Variants in CEMIP2 observed in about 807,000 individuals in gnomAD.
CEMIP2 encodes the protein cell surface hyaluronidase CEMIP2.
In CEMIP2, 79 loss-of-function variants were observed where a neutral mutation model predicts 146.9. The observed-to-expected ratio is 0.54, with a 90% CI of 0.45 to 0.65. The LOEUF (loss-of-function observed/expected upper bound fraction) is 0.65. Ranked by LOEUF, CEMIP2 falls within the 30% of genes least tolerant of loss-of-function variation. The pLI is 0.00. For missense variants in CEMIP2, 1,596 were observed against 1,696.2 expected (o/e 0.94, Z 1.04); for synonymous variants, 601 against 606.3 (o/e 0.99, Z 0.13).
At position 71,732,686 on chromosome 9, in the gene CEMIP2, A is replaced by ATTTTTTTT. The variant is rs59985618; in HGVS notation, c.1394-174_1394-167dup. Reference sequence around the variant, plus strand: ...GAATCAGAATCCCAGGACACGGGGAATTTTTTTTTTTTTTTTTTTTTTTTT... The same window carrying ATTTTTTTT: ...GAATCAGAATCCCAGGACACGGGGAATTTTTTTTTTTTTTTTTTTTTTTTTTTTTTTTT... On this transcript the variant is annotated intron_variant, in intron 6 of 23. Coordinates refer to ENST00000377044, the MANE Select transcript of CEMIP2 (RefSeq NM_013390.3). Among the ~76,000 whole-genome samples, 66 of 75,876 alleles carry ATTTTTTTT rather than the reference A, an allele frequency of 8.7e-4. 3 individuals carry two copies. Among genetic ancestry groups the ATTTTTTTT allele is most frequent in the Admixed American group, 1.3e-3 (6 of 4,706 alleles). The allele number at this position is 75,876 out of a possible 152,430, so 49.8% of individuals were successfully genotyped here.
At chr9:71,728,293 A>ATATG (rs1823498825) in intron 10 of CEMIP2, among the ~76,000 whole-genome samples, 2 of 39,574 alleles carry the variant, frequency 5.1e-5, no homozygotes, top group African/African-American at 1.9e-4. Context: ...ATATATATAT[A>ATATG]TATATATACA....
rs1044515593 is a variant in CEMIP2 at position 71,732,505 on chromosome 9, A to G, written c.1409T>C (p.Leu470Pro). Residue 470 changes from leucine to proline, a missense_variant, in exon 7 of 24, where the codon CTG (leucine) becomes CCG (proline). Transcript: ENST00000377044. Reference protein sequence around the residue: ...QVKVKETPQFLHMGEIIDGVD... With the variant: ...QVKVKETPQFPHMGEIIDGVD... ...ACCGTCTATGATCTCACCCATGTGC[A>G]GGAACTGAGGGGTTTCTGGTTGATA... is the stretch of plus-strand genomic sequence containing the variant. The G allele has an allele frequency of 1.9e-6, 3 of 1,599,560 alleles. No homozygotes were observed. Among genetic ancestry groups the G allele is most frequent in the Admixed American group, 1.8e-5 (1 of 55,634 alleles).
In CEMIP2 at chr9:71,734,821, G is replaced by T. The variant is rs1251840256; in HGVS notation, c.1378C>A (p.Gln460Lys). The T allele has an allele frequency of 3.7e-6, 6 of 1,608,224 alleles. No homozygotes were observed. Among genetic ancestry groups the T allele is most frequent in the Non-Finnish European group, 4.2e-6 (5 of 1,176,710 alleles). The change falls in exon 6 of 24, where the codon CAG becomes AAG. Residue 460 changes from glutamine (Q) to lysine (K), a missense_variant. Physicochemically the swap from Gln to Lys is moderately conservative, Grantham distance 53 (BLOSUM62 1). Coordinates refer to ENST00000377044, the MANE Select transcript of CEMIP2 (RefSeq NM_013390.3). ...AGTTTAATACCTTTGACTTTGACCT[G>T]AAAATGGCTGCATTCAGAACAGGGA... ...LLPCSECSHFQVKVKETPQFL... is the reference protein window; with the variant it reads ...LLPCSECSHFKVKVKETPQFL...
At chr9:71,715,421 T>G (rs1456535819) in intron 14 of CEMIP2, among the ~76,000 whole-genome samples, 1 of 151,056 alleles carries the variant, frequency 6.6e-6, no homozygotes, top group African/African-American at 2.4e-5. Flanking sequence ...TTTTTTAAAA[T>G]TTTTGTGGAG....
intron 1 of CEMIP2, among the ~76,000 whole-genome samples, chr9:71,756,535 A>AAC (rs1824465527): frequency 8.1e-6 from 1 of 122,854 alleles, no homozygotes; most frequent in Non-Finnish European, 1.7e-5. Context: ...CACACACACA[A>AAC]ACACACACAC....
At chr9:71,765,199 A>G (rs1209742888) in intron 1 of CEMIP2, among the ~76,000 whole-genome samples, 1 of 152,220 alleles carries the variant, frequency 6.6e-6, no homozygotes, top group Non-Finnish European at 1.5e-5. Flanking sequence ...ACTTGCTCTC[A>G]AGATGGGATT....
intron 20 of CEMIP2, among the ~76,000 whole-genome samples, chr9:71,695,132 C>A (rs755434044): frequency 3.9e-5 from 6 of 152,154 alleles, no homozygotes; most frequent in Admixed American, 6.5e-5. Context: ...TGTGCTGTTA[C>A]ACTCAGGCAG....
chr9:71,732,268 T>A lies in CEMIP2; in HGVS notation c.1563+83A>T, dbSNP rs1401283245. On this transcript the variant is annotated intron_variant, in intron 7 of 23. Transcript: ENST00000377044. ...GATTTGCTTTTAATATCCATTTATA[T>A]CTTGTTCCAAAACTTGACAGTTTCT... 7.4e-5 allele frequency: 103 copies of A among 1,394,130 alleles called. No homozygotes were observed. In the East Asian group the frequency reaches 2.1e-3, roughly 28 times the overall value. The allele number at this position is 1,394,130 out of a possible 1,614,324, so 86.4% of individuals were successfully genotyped here. A position where few individuals can be genotyped will look rare whatever the true frequency, so the allele number is the denominator to read the frequency against.
intron 4 of CEMIP2, among the ~76,000 whole-genome samples, chr9:71,742,515 G>C (rs141401271): frequency 6.0e-4 from 91 of 152,252 alleles, no homozygotes; most frequent in African/African-American, 2.0e-3. Context: ...TGGAGATAAC[G>C]TCAATGCAAT....
chr9:71,762,483 C>G (rs896301810), intron 1 of CEMIP2, among the ~76,000 whole-genome samples: 6 of 123,592 alleles, frequency 4.9e-5, no homozygotes, highest in Admixed American at 1.0e-4. Context: ...CCTAACAAGA[C>G]CCCATGCCAG....
At chr9:71,767,489 T>C (rs1052509647) in intron 1 of CEMIP2, among the ~76,000 whole-genome samples, 3 of 152,200 alleles carry the variant, frequency 2.0e-5, no homozygotes, top group Non-Finnish European at 4.4e-5. Context: ...AAAGGAGATA[T>C]ATATCAAAGT....
intron 21 of CEMIP2, among the ~76,000 whole-genome samples, chr9:71,690,606 T>A (rs1822201423): frequency 6.6e-6 from 1 of 152,240 alleles, no homozygotes; most frequent in Non-Finnish European, 1.5e-5. Flanking sequence ...GATAGATGGC[T>A]GCCTCTGTAC....
Position 71,730,254 on chromosome 9 carries a change from C to T in CEMIP2, c.1774-1G>A. 1 of 1,613,006 alleles carries T rather than the reference C, an allele frequency of 6.2e-7. No individual in the cohort carries two copies. The highest frequency in any genetic ancestry group is 8.5e-7 in the Non-Finnish European group (1 of 1,179,206). ...TGTCAAACCCAATGGTGTCTTTTAT[C>T]TGCAGAAATAAAAGTATATTAATGT... is the stretch of plus-strand genomic sequence containing the variant. On this transcript the variant is annotated splice_acceptor_variant, in intron 8 of 23. Transcript: ENST00000377044. LOFTEE classifies it high-confidence loss of function.
intron 15 of CEMIP2, among the ~76,000 whole-genome samples, chr9:71,713,137 C>T (rs1822955331): frequency 1.3e-5 from 2 of 152,132 alleles, no homozygotes; most frequent in African/African-American, 4.8e-5. Context: ...GCTCTGTGTC[C>T]CCACCCAAAT....
intron 16 of CEMIP2, among the ~76,000 whole-genome samples, chr9:71,709,998 C>A (rs540109728): frequency 6.6e-6 from 1 of 152,078 alleles, no homozygotes; most frequent in Non-Finnish European, 1.5e-5. Context: ...TGACTCCCCC[C>A]ACCAAAAAAA....
intron 16 of CEMIP2, 34 bp from the exon 17 acceptor site, chr9:71,709,508 T>C: frequency 6.3e-7 from 1 of 1,575,092 alleles, no homozygotes; most frequent in Non-Finnish European, 8.7e-7. Flanking sequence ...CATCACAAAG[T>C]GAGGGCTCCT....
intron 1 of CEMIP2, among the ~76,000 whole-genome samples, chr9:71,762,503 C>CAAAAAAAAAAAAAAAAAA (rs58090104): frequency 2.5e-5 from 2 of 79,734 alleles, no homozygotes; most frequent in African/African-American, 5.2e-5. Flanking sequence ...GCCCCGTCAC[C>CAAAAAAAAAAAAAAAAAA]AAAAAAAAAA....
At chr9:71,730,628 A>G in intron 8 of CEMIP2, 77 bp downstream of exon 8, 6 of 1,448,002 alleles carry the variant, frequency 4.1e-6, no homozygotes, top group Non-Finnish European at 4.8e-6. Flanking sequence ...TTACATATAT[A>G]AAATTGAGAA....
intron 14 of CEMIP2, 147 bp from the exon 15 acceptor site, chr9:71,715,236 G>GTTTTTTTTTTTTTTTTT (rs1564005667): frequency 2.7e-6 from 1 of 376,128 alleles, no homozygotes; most frequent in Non-Finnish European, 4.2e-6. Context: ...TTCAGAAACT[G>GTTTTTTTTTTTTTTTTT]CTTTTTTTTT....
Sources: allele counts gnomAD v4.1 joint callset (sites outside exome capture counted in the v4.1 genomes callset), GRCh38; gene constraint gnomAD v4.1.1; transcripts MANE v1.5; gene names NCBI Gene and HGNC (gene_info 2026-07-23, HGNC 2026-07-21).